GRIN2B: variants seen among roughly 807,000 people sequenced by gnomAD.
GRIN2B encodes glutamate receptor ionotropic, NMDA 2B.
A neutral mutation model predicts 114.5 loss-of-function variants in GRIN2B; 5 were observed. That is an observed-to-expected ratio of 0.04 (90% CI 0.02 to 0.09). The LOEUF (loss-of-function observed/expected upper bound fraction) is 0.09. Among genes scored for constraint, GRIN2B ranks in the 10% least tolerant of loss-of-function variants. The probability of loss-of-function intolerance (pLI) is 1.00; values close to 1 mark genes in which losing one functional copy is unlikely to be tolerated. For synonymous variants in GRIN2B, 787 were observed against 745.1 expected (o/e 1.06, Z -0.92); for missense variants, 1,108 against 1,943.5 (o/e 0.57, Z 8.08).
At chr12:13,621,661 A>G (rs1272171357) in intron 5 of GRIN2B, among the ~76,000 whole-genome samples, 1 of 69,632 alleles carries the variant, frequency 1.4e-5, no homozygotes, top group East Asian at 5.0e-4. Flanking sequence ...GTGATGTTTT[A>G]GAGTTTCTGG....
intron 2 of GRIN2B, among the ~76,000 whole-genome samples, chr12:13,875,517 C>T (rs1422821469): frequency 6.6e-6 from 1 of 152,130 alleles, no homozygotes; most frequent in Non-Finnish European, 1.5e-5. Flanking sequence ...CAGAGCAAGA[C>T]TCTGTCTCAA....
chr12:13,753,966 A>C lies in GRIN2B; in HGVS notation c.412-51T>G. 1 of 1,202,754 alleles carries C rather than the reference A, an allele frequency of 8.3e-7. No homozygotes were observed. The allele number at this position is 1,202,754 out of a possible 1,614,324, so 74.5% of individuals were successfully genotyped here. ...GGAAGAGAGAAAAAAATCAAACCAA[A>C]GATGGTAATGGAGATTTTGAACCAA... On this transcript the variant is annotated intron_variant, in intron 3 of 13. Coordinates refer to ENST00000609686, the MANE Select transcript of GRIN2B (RefSeq NM_000834.5). This position sits in a 1 kb window ranked among gnomAD's most constrained non-coding sequence, Gnocchi z 6.2.
chr12:13,868,805 A>G (rs1485748147), intron 2 of GRIN2B, among the ~76,000 whole-genome samples: 1 of 152,236 alleles, frequency 6.6e-6, no homozygotes, highest in Non-Finnish European at 1.5e-5. Flanking sequence ...CATCTCATTT[A>G]TACTCAGGAT....
intron 4 of GRIN2B, among the ~76,000 whole-genome samples, chr12:13,738,941 T>A (rs559897480): frequency 1.4e-4 from 21 of 152,214 alleles, no homozygotes; most frequent in Non-Finnish European, 2.6e-4. Flanking sequence ...CAGTCATGAC[T>A]GAGAAGCACT....
At chr12:13,848,855 C>T (rs1439902260) in intron 3 of GRIN2B, among the ~76,000 whole-genome samples, 1 of 152,118 alleles carries the variant, frequency 6.6e-6, no homozygotes, top group Non-Finnish European at 1.5e-5. Flanking sequence ...GTCCTTATCC[C>T]CCTCTCTGCT....
chr12:13,677,860 C>T (rs1331207750), intron 4 of GRIN2B, among the ~76,000 whole-genome samples: 3 of 152,038 alleles, frequency 2.0e-5, no homozygotes, highest in Admixed American at 1.3e-4. Context: ...ATCATACATC[C>T]CTTATGAAAT....
intron 4 of GRIN2B, among the ~76,000 whole-genome samples, chr12:13,690,943 A>T (rs866732727): frequency 2.0e-5 from 3 of 152,186 alleles, no homozygotes; most frequent in South Asian, 2.1e-4. Flanking sequence ...CATCTTACTT[A>T]TAACATTGAG....
At chr12:13,637,102 T>A (rs1339209084) in intron 5 of GRIN2B, among the ~76,000 whole-genome samples, 1 of 152,142 alleles carries the variant, frequency 6.6e-6, no homozygotes, top group Non-Finnish European at 1.5e-5. Context: ...GCTTCAAAAC[T>A]GATGATACAA....
At chr12:13,916,627 T>C (rs1350449602) in intron 2 of GRIN2B, among the ~76,000 whole-genome samples, 1 of 151,498 alleles carries the variant, frequency 6.6e-6, no homozygotes, top group African/African-American at 2.4e-5. Context: ...GATAGGAGGA[T>C]CTCTTGAAGC....
rs955621317 is a variant in GRIN2B at position 13,553,585 on chromosome 12, G to T, written c.*9198C>A. The T allele has an allele frequency of 6.6e-6, 1 of 152,158 alleles. No individual in the cohort carries two copies. Among genetic ancestry groups the T allele is most frequent in the Non-Finnish European group, 1.5e-5 (1 of 68,032 alleles). The allele number at this position is 152,158 out of a possible 1,614,324, so 9.4% of individuals were successfully genotyped here. A position where few individuals can be genotyped will look rare whatever the true frequency, so the allele number is the denominator to read the frequency against. On this transcript the variant is annotated 3_prime_UTR_variant, in exon 14 of 14. Coordinates refer to ENST00000609686, the MANE Select transcript of GRIN2B (RefSeq NM_000834.5). The stretch of plus-strand genomic sequence containing the variant: ...GAAGTAGCGTGTGGTGAAATACAGT[G>T]GTCCTGTTGGACCACCACCTGGGGT...
chr12:13,921,897 TACC>T (rs956044783), intron 2 of GRIN2B, among the ~76,000 whole-genome samples: 1 of 152,132 alleles, frequency 6.6e-6, no homozygotes, highest in African/African-American at 2.4e-5. Context: ...GATAAGTATG[TACC>T]AAGCACAAGT....
intron 2 of GRIN2B, among the ~76,000 whole-genome samples, chr12:13,952,500 C>T (rs943821557): frequency 6.6e-6 from 1 of 152,128 alleles, no homozygotes; most frequent in African/African-American, 2.4e-5. Context: ...GTGTTCTATC[C>T]CATGGAACCT....
At position 13,763,757 on chromosome 12, in the gene GRIN2B, C is replaced by T. The variant is rs1863724811; in HGVS notation, c.412-9842G>A. Among the ~76,000 whole-genome samples, 3 of 152,194 alleles carry T rather than the reference C, an allele frequency of 2.0e-5. No individual in the cohort carries two copies. In the South Asian group the frequency reaches 6.2e-4, roughly 32 times the overall value. The stretch of plus-strand genomic sequence containing the variant: ...GGCAACCCCATGGCAGGGTTAAGTC[C>T]AATCTTTCCCAGCTTTCTGACCCTC... On this transcript the variant is annotated intron_variant, in intron 3 of 13. Transcript: ENST00000609686.
intron 5 of GRIN2B, among the ~76,000 whole-genome samples, chr12:13,650,613 A>G (rs900879648): frequency 5.9e-5 from 9 of 152,022 alleles, no homozygotes; most frequent in African/African-American, 9.7e-5. Flanking sequence ...CAAATGGGGG[A>G]AAAAAGTCCC....
intron 3 of GRIN2B, among the ~76,000 whole-genome samples, chr12:13,765,633 T>G (rs953753768): frequency 3.9e-5 from 6 of 152,244 alleles, no homozygotes; most frequent in African/African-American, 9.6e-5. Context: ...AATTCATTTC[T>G]TATAGTTCTT....
intron 10 of GRIN2B, among the ~76,000 whole-genome samples, chr12:13,604,679 C>T (rs1278009538): frequency 6.6e-6 from 1 of 152,170 alleles, no homozygotes; most frequent in Non-Finnish European, 1.5e-5. Context: ...TCCTCTCATG[C>T]ATTACCATAC....
rs371421571 is a variant in GRIN2B at position 13,573,174 on chromosome 12, G to A, written c.2011-1210C>T. Reference sequence around the variant, plus strand: ...AATGCATAAGAAGTGCTTGGCGGTCGGGCACGGTGGCTCACGCCTGTAATC... The same window carrying A: ...AATGCATAAGAAGTGCTTGGCGGTCAGGCACGGTGGCTCACGCCTGTAATC... On this transcript the variant is annotated intron_variant, in intron 10 of 13. Transcript: ENST00000609686. Among the ~76,000 whole-genome samples the A allele has an allele frequency of 1.1e-4, 17 of 149,366 alleles. 1 individual carries two copies. The highest frequency in any genetic ancestry group is 4.2e-4 in the South Asian group (2 of 4,802).
In GRIN2B at chr12:13,808,748, A is replaced by ATATATATAT. The variant is rs1388525573; in HGVS notation, c.412-54834_412-54833insATATATATA. ...CCCTAGAACTTAAAGTATAATAAAA[A>ATATATATAT]AAAAATATATATATATATATATACA... On this transcript the variant is annotated intron_variant, in intron 3 of 13. Transcript: ENST00000609686. 2.3e-3 allele frequency among the ~76,000 whole-genome samples: 257 copies of ATATATATAT among 110,272 alleles called. 6 individuals are homozygous for ATATATATAT. The highest frequency in any genetic ancestry group is 9.8e-3 in the Middle Eastern group (2 of 204). The allele number at this position is 110,272 out of a possible 152,430, so 72.3% of individuals were successfully genotyped here.
At chr12:13,907,194 A>C (rs888549838) in intron 2 of GRIN2B, among the ~76,000 whole-genome samples, 6 of 152,220 alleles carry the variant, frequency 3.9e-5, no homozygotes, top group African/African-American at 1.4e-4. Flanking sequence ...AGATGCTAAG[A>C]AAAAGCCTCC....
Sources: gnomAD v4.1 joint callset for allele counts (sites outside exome capture counted in the v4.1 genomes callset) on GRCh38, gnomAD v4.1.1 for gene constraint, Gnocchi (gnomAD v3.1) non-coding constraint, MANE v1.5 for transcripts, NCBI Gene and HGNC (gene_info 2026-07-23, HGNC 2026-07-21) for gene names.